Variants in XKR9 observed in about 807,000 individuals in gnomAD.
XKR9 encodes the protein XK-related protein 9.
A neutral mutation model predicts 32.0 loss-of-function variants in XKR9; 32 were observed. The observed-to-expected ratio is 1.00, with a 90% confidence interval of 0.76 to 1.34. The LOEUF is 1.34. Among genes scored for constraint, XKR9 ranks in the 40% most tolerant of loss-of-function variants. The pLI is 0.00. For missense variants in XKR9, 546 were observed against 429.7 expected, an observed-to-expected ratio of 1.27 and a Z score of -2.39; for synonymous variants, 168 against 143.4, an observed-to-expected ratio of 1.17 and a Z score of -1.22.
the XKR9 span, among the ~76,000 whole-genome samples, chr8:70,961,865 T>C: frequency 2.0e-5 from 3 of 152,150 alleles, no homozygotes; most frequent in East Asian, 1.9e-4. Flanking sequence ...ACAGGCAAAA[T>C]AGCCCCACTT....
At chr8:70,699,908 C>G (rs1805453597) in intron 3 of XKR9, among the ~76,000 whole-genome samples, 1 of 152,102 alleles carries the variant, frequency 6.6e-6, no homozygotes, top group African/African-American at 2.4e-5. Context: ...CTCTAAACTT[C>G]CCTTCTCACT....
the XKR9 span, among the ~76,000 whole-genome samples, chr8:70,967,861 C>G: frequency 6.6e-6 from 1 of 152,000 alleles, no homozygotes; most frequent in African/African-American, 2.4e-5. Context: ...TCTGGCTGCC[C>G]TTAACATTTT....
At chr8:71,005,931 G>C in the XKR9 span, among the ~76,000 whole-genome samples, 1 of 152,204 alleles carries the variant, frequency 6.6e-6, no homozygotes, top group Non-Finnish European at 1.5e-5. Flanking sequence ...CTCCACAAGA[G>C]GAATGTTGTT....
chr8:70,816,202 C>A, the XKR9 span, among the ~76,000 whole-genome samples: 2 of 152,048 alleles, frequency 1.3e-5, no homozygotes, highest in Non-Finnish European at 2.9e-5. Flanking sequence ...ATATTTGCAC[C>A]CAACTAATCT....
the XKR9 span, among the ~76,000 whole-genome samples, chr8:70,988,453 C>A: frequency 1.3e-5 from 2 of 151,968 alleles, no homozygotes; most frequent in Non-Finnish European, 2.9e-5. Flanking sequence ...ATCTTTACAA[C>A]TCCACGGTGC....
chr8:70,725,653 C>T (rs1016326143), intron 4 of XKR9, among the ~76,000 whole-genome samples: 1 of 152,088 alleles, frequency 6.6e-6, no homozygotes, highest in African/African-American at 2.4e-5. Flanking sequence ...TGGCTGTAAT[C>T]CCAGCACTTT....
the XKR9 span, among the ~76,000 whole-genome samples, chr8:70,881,845 G>C: frequency 6.6e-6 from 1 of 152,186 alleles, no homozygotes; most frequent in Admixed American, 6.5e-5. Context: ...ATTCACAATA[G>C]CAAAGACTTG....
At chr8:70,673,590 C>T (rs1203965279) in intron 1 of XKR9, among the ~76,000 whole-genome samples, 5 of 152,086 alleles carry the variant, frequency 3.3e-5, no homozygotes. Flanking sequence ...CATGGTGAAA[C>T]CCTGTCTCTA....
At position 70,691,929 on chromosome 8, in the gene XKR9, A is replaced by T. The variant is rs557660896; in HGVS notation, c.272+10599A>T. Among the ~76,000 whole-genome samples, 300 of 151,930 alleles carry T rather than the reference A, an allele frequency of 2.0e-3. 2 individuals carry two copies. The highest frequency in any genetic ancestry group is 6.6e-3 in the African/African-American group (275 of 41,420). On this transcript the variant is annotated intron_variant, in intron 3 of 4. Transcript: ENST00000408926. ...TTTGGTTCCATATAAATTTTAAATA[A>T]TTTTTTCTAGTTTTGTGAGGAATGT... is the stretch of plus-strand genomic sequence containing the variant.
At chr8:71,055,693 A>G in the XKR9 span, among the ~76,000 whole-genome samples, 1 of 152,216 alleles carries the variant, frequency 6.6e-6, no homozygotes, top group South Asian at 2.1e-4. Flanking sequence ...GTTATGAAAC[A>G]TCTTAGAAAA....
the XKR9 span, among the ~76,000 whole-genome samples, chr8:70,854,622 C>T: frequency 6.6e-6 from 1 of 152,054 alleles, no homozygotes; most frequent in African/African-American, 2.4e-5. Context: ...AATGGTATTG[C>T]CCAGGTTTTC....
the XKR9 span, among the ~76,000 whole-genome samples, chr8:70,890,487 T>C: frequency 8.6e-5 from 13 of 152,004 alleles, no homozygotes; most frequent in African/African-American, 3.1e-4. Flanking sequence ...ACTCCTCCTA[T>C]ACCTAACTTG....
the XKR9 span, among the ~76,000 whole-genome samples, chr8:71,024,278 C>T: frequency 6.6e-6 from 1 of 152,198 alleles, no homozygotes; most frequent in Admixed American, 6.5e-5. Context: ...CTCTTTGGCT[C>T]CTTTTGTCCT....
chr8:70,837,868 A>G, the XKR9 span, among the ~76,000 whole-genome samples: 1 of 152,132 alleles, frequency 6.6e-6, no homozygotes, highest in Non-Finnish European at 1.5e-5. Context: ...AAGATGGTGA[A>G]AACAATTATC....
At chr8:70,756,363 A>C (rs1008870746) in intron 2 of XKR9, among the ~76,000 whole-genome samples, 1 of 152,354 alleles carries the variant, frequency 6.6e-6, no homozygotes, top group East Asian at 1.9e-4. Flanking sequence ...TTGCAATTTC[A>C]TATGAATTTT....
chr8:70,981,920 T>G, the XKR9 span, among the ~76,000 whole-genome samples: 1 of 152,248 alleles, frequency 6.6e-6, no homozygotes, highest in East Asian at 1.9e-4. Flanking sequence ...CTTCTGGGTC[T>G]AGCCACCCAG....
chr8:70,716,888 G>A (rs1326590294), intron 4 of XKR9, among the ~76,000 whole-genome samples: 1 of 152,174 alleles, frequency 6.6e-6, no homozygotes, highest in Non-Finnish European at 1.5e-5. Flanking sequence ...CAGCAAGTTA[G>A]TTACTTCCTA....
At chr8:70,746,981 A>C (rs1807067573) in intron 2 of XKR9, among the ~76,000 whole-genome samples, 1 of 152,010 alleles carries the variant, frequency 6.6e-6, no homozygotes, top group South Asian at 2.1e-4. Context: ...ATGTATACCC[A>C]TTGTTTAGCT....
At chr8:70,761,489 T>G (rs1807308131) in intron 2 of XKR9, among the ~76,000 whole-genome samples, 1 of 152,218 alleles carries the variant, frequency 6.6e-6, no homozygotes, top group South Asian at 2.1e-4. Flanking sequence ...ACATGATTGT[T>G]GTTCGCACGT....
Sources: gnomAD v4.1 joint callset for allele counts (sites outside exome capture counted in the v4.1 genomes callset) on GRCh38, gnomAD v4.1.1 for gene constraint, MANE v1.5 for transcripts, NCBI Gene and HGNC (gene_info 2026-07-23, HGNC 2026-07-21) for gene names.